Variants in ERLIN1 observed in about 807,000 individuals in gnomAD.
The protein encoded by ERLIN1 is ER lipid raft associated 1.
A neutral mutation model predicts 46.9 loss-of-function variants in ERLIN1; 24 were observed. That is an observed-to-expected ratio of 0.51 (90% CI 0.37 to 0.72). ERLIN1 has a LOEUF of 0.72. ERLIN1 is among the 30% of genes least tolerant of loss of function. The pLI, the probability that ERLIN1 is intolerant of heterozygous loss-of-function variation, is 0.00. For synonymous variants in ERLIN1, 158 were observed against 143.2 expected, an observed-to-expected ratio of 1.10 and a Z score of -0.74; for missense variants, 293 against 417.9, an observed-to-expected ratio of 0.70 and a Z score of 2.61.
chr10:100,170,631 T>C (rs1238162415), intron 6 of ERLIN1, among the ~76,000 whole-genome samples: 1 of 151,942 alleles, frequency 6.6e-6, no homozygotes, highest in Admixed American at 6.6e-5. Context: ...AAGATGGAGG[T>C]GTGGTCAGTT....
At chr10:100,175,432 C>T (rs1048880200) in intron 5 of ERLIN1, among the ~76,000 whole-genome samples, 2 of 152,180 alleles carry the variant, frequency 1.3e-5, no homozygotes, top group Non-Finnish European at 2.9e-5. Context: ...CCCTAGTAGA[C>T]AACATTTCAC....
intron 10 of ERLIN1, 108 bp from the exon 11 acceptor site, chr10:100,152,460 G>T (rs1842859557): frequency 4.1e-6 from 3 of 724,178 alleles, no homozygotes; most frequent in African/African-American, 3.4e-5. Flanking sequence ...CATGAGTCAA[G>T]TCTGAATAAC....
intron 2 of ERLIN1, among the ~76,000 whole-genome samples, chr10:100,180,450 G>A (rs1844570631): frequency 6.6e-6 from 1 of 152,118 alleles, no homozygotes; most frequent in African/African-American, 2.4e-5. Context: ...GTAAATTACA[G>A]AAAGTGAAAA....
intron 6 of ERLIN1, among the ~76,000 whole-genome samples, chr10:100,172,346 T>C (rs1589541479): frequency 6.6e-6 from 1 of 152,228 alleles, no homozygotes; most frequent in South Asian, 2.1e-4. Flanking sequence ...ATATAACAAA[T>C]GATGTTATCC....
intron 5 of ERLIN1, among the ~76,000 whole-genome samples, chr10:100,174,634 C>G (rs927123709): frequency 2.6e-5 from 4 of 152,132 alleles, no homozygotes; most frequent in African/African-American, 9.7e-5. Flanking sequence ...AATGGAGAAT[C>G]TGGATCTCTA....
chr10:100,171,274 A>T (rs1201689575), intron 6 of ERLIN1, among the ~76,000 whole-genome samples: 2 of 152,198 alleles, frequency 1.3e-5, no homozygotes, highest in Non-Finnish European at 2.9e-5. Flanking sequence ...ACAAAGAAAA[A>T]ATTTGAAGAA....
At chr10:100,173,052 C>T (rs1468301595) in intron 6 of ERLIN1, among the ~76,000 whole-genome samples, 1 of 152,184 alleles carries the variant, frequency 6.6e-6, no homozygotes, top group Non-Finnish European at 1.5e-5. Context: ...CACCCTCAAG[C>T]GCCTGAGATA....
intron 1 of ERLIN1, among the ~76,000 whole-genome samples, chr10:100,184,875 G>A (rs572269411): frequency 2.0e-5 from 3 of 152,138 alleles, no homozygotes; most frequent in Non-Finnish European, 4.4e-5. Flanking sequence ...TCCACAAACT[G>A]GCCTCTCTTA....
intron 6 of ERLIN1, among the ~76,000 whole-genome samples, chr10:100,169,607 C>T (rs1438464261): frequency 6.7e-6 from 1 of 148,788 alleles, no homozygotes; most frequent in Non-Finnish European, 1.5e-5. Context: ...GAATCAATCA[C>T]ATTCCTCAAT....
intron 1 of ERLIN1, among the ~76,000 whole-genome samples, chr10:100,184,709 T>G (rs1180770054): frequency 6.6e-6 from 1 of 152,206 alleles, no homozygotes; most frequent in East Asian, 1.9e-4. Flanking sequence ...AATCTGTAAT[T>G]TCTTATGTAG....
chr10:100,173,297 A>G (rs1844107129), intron 6 of ERLIN1, among the ~76,000 whole-genome samples: 1 of 152,174 alleles, frequency 6.6e-6, no homozygotes, highest in South Asian at 2.1e-4. Context: ...AAGCCTCAAT[A>G]TAACTTCTTA....
intron 2 of ERLIN1, among the ~76,000 whole-genome samples, chr10:100,182,842 G>A (rs1185860933): frequency 2.0e-5 from 3 of 152,174 alleles, no homozygotes; most frequent in Admixed American, 6.5e-5. Flanking sequence ...GTGATGGCAT[G>A]AACTAAGGAA....
chr10:100,175,770 A>G (rs1294745967), intron 5 of ERLIN1, among the ~76,000 whole-genome samples, 175 bp downstream of exon 5: 1 of 152,232 alleles, frequency 6.6e-6, no homozygotes, highest in African/African-American at 2.4e-5. Context: ...ATCTCTAACA[A>G]GTTATATAAA....
chr10:100,167,006 A>G (rs1843680332), intron 7 of ERLIN1, among the ~76,000 whole-genome samples: 1 of 152,216 alleles, frequency 6.6e-6, no homozygotes, highest in Admixed American at 6.5e-5. Context: ...CACTCTCTTC[A>G]ACCCTAACGG....
chr10:100,181,058 G>A (rs561179170), intron 2 of ERLIN1, among the ~76,000 whole-genome samples: 1 of 152,266 alleles, frequency 6.6e-6, no homozygotes, highest in South Asian at 2.1e-4. Context: ...GATTGATGAA[G>A]AGACAAATTA....
intron 10 of ERLIN1, 125 bp downstream of exon 10, chr10:100,154,735 G>C (rs1355073572): frequency 1.4e-6 from 1 of 717,274 alleles, no homozygotes; most frequent in East Asian, 2.7e-5. Context: ...TAATTCTGGA[G>C]GATGTCTTGG....
chr10:100,171,408 C>T lies in ERLIN1; in HGVS notation c.504+2800G>A, dbSNP rs188925809. Among the ~76,000 whole-genome samples, 115 of 151,970 alleles carry T rather than the reference C, an allele frequency of 7.6e-4. 1 individual carries two copies. The highest frequency in any genetic ancestry group is 1.2e-3 in the Non-Finnish European group (84 of 67,984). ...AAAACAAGTTCTCTATATACAAATG[C>T]TATTTATTTATTTATTTATAGACAG... On this transcript the variant is annotated intron_variant, in intron 6 of 10. Transcript: ENST00000421367.
intron 5 of ERLIN1, among the ~76,000 whole-genome samples, chr10:100,175,178 C>T (rs1041106890): frequency 2.6e-5 from 4 of 152,186 alleles, no homozygotes; most frequent in African/African-American, 9.7e-5. Context: ...GCTGATACTG[C>T]AATCCTTAGA....
intron 6 of ERLIN1, among the ~76,000 whole-genome samples, chr10:100,169,909 T>G (rs1251903963): frequency 1.3e-5 from 2 of 152,090 alleles, no homozygotes; most frequent in African/African-American, 4.8e-5. Flanking sequence ...TCCTAGCTAC[T>G]TGGGAGGCTA....
Sources: gnomAD v4.1 joint callset for allele counts (sites outside exome capture counted in the v4.1 genomes callset) on GRCh38, gnomAD v4.1.1 for gene constraint, MANE v1.5 for transcripts, NCBI Gene and HGNC (gene_info 2026-07-23, HGNC 2026-07-21) for gene names.